Variants in MDN1 observed in about 807,000 individuals in gnomAD.
MDN1 encodes midasin AAA ATPase 1.
In MDN1, 266 loss-of-function variants were observed where a neutral mutation model predicts 669.2. The ratio of observed to expected loss-of-function variants is 0.40; its 90% confidence interval spans 0.36 to 0.44. The LOEUF is 0.44. Among genes scored for constraint, MDN1 ranks in the 20% least tolerant of loss-of-function variants. The probability of loss-of-function intolerance (pLI) is 1.00; values close to 1 mark genes in which losing one functional copy is unlikely to be tolerated. For missense variants in MDN1, 5,940 were observed against 6,754.0 expected, an observed-to-expected ratio of 0.88 and a Z score of 4.22; for synonymous variants, 2,385 against 2,457.1, an observed-to-expected ratio of 0.97 and a Z score of 0.87.
chr6:89,781,332 C>G, intron 10 of MDN1, 67 bp downstream of exon 10: 1 of 1,513,928 alleles, frequency 6.6e-7, no homozygotes, highest in Non-Finnish European at 9.1e-7. Flanking sequence ...GCCTGGGTAA[C>G]AGAGCAGGAA....
intron 13 of MDN1, among the ~76,000 whole-genome samples, chr6:89,773,970 G>GAAAA (rs1302813116): frequency 1.0e-5 from 1 of 96,818 alleles, no homozygotes; most frequent in African/African-American, 3.9e-5. Context: ...GTCTTAAAAA[G>GAAAA]AAAAAAAAAA....
chr6:89,647,528 A>G (rs1209931759), intron 99 of MDN1, among the ~76,000 whole-genome samples: 2 of 152,216 alleles, frequency 1.3e-5, no homozygotes, highest in African/African-American at 4.8e-5. Context: ...TAGAAAACCA[A>G]TGATGCAAAG....
intron 33 of MDN1, 126 bp downstream of exon 33, chr6:89,738,200 C>T (rs1816098611): frequency 4.6e-6 from 5 of 1,076,650 alleles, no homozygotes; most frequent in Non-Finnish European, 6.5e-6. Context: ...GTTTCATTTA[C>T]CTATCTCCTT....
chr6:89,711,901 A>G (rs1813956237), intron 49 of MDN1, 135 bp downstream of exon 49: 1 of 769,564 alleles, frequency 1.3e-6, no homozygotes, highest in East Asian at 2.5e-5. Context: ...ATGCTAGACC[A>G]CAAATTTCTT....
At chr6:89,727,457 T>C (rs1815311705) in intron 37 of MDN1, among the ~76,000 whole-genome samples, 1 of 152,198 alleles carries the variant, frequency 6.6e-6, no homozygotes, top group African/African-American at 2.4e-5. Context: ...TAGGTCATTT[T>C]GTATGTCTTT....
At chr6:89,799,977 T>C (rs1767524843) in intron 2 of MDN1, among the ~76,000 whole-genome samples, 1 of 151,882 alleles carries the variant, frequency 6.6e-6, no homozygotes, top group Non-Finnish European at 1.5e-5. Flanking sequence ...GGGGCACTGG[T>C]TGGTTGCCAG....
intron 15 of MDN1, among the ~76,000 whole-genome samples, chr6:89,769,068 A>G (rs965255087): frequency 6.6e-6 from 1 of 152,114 alleles, no homozygotes; most frequent in South Asian, 2.1e-4. Context: ...AAAAAAAAAA[A>G]GATCCGAATT....
chr6:89,789,270 A>G (rs190830087), intron 7 of MDN1, among the ~76,000 whole-genome samples: 2 of 152,352 alleles, frequency 1.3e-5, no homozygotes, highest in East Asian at 3.9e-4. Context: ...TTTCTTACAC[A>G]CAGAAGTGGT....
At position 89,763,816 on chromosome 6, in the gene MDN1, C is replaced by T. The variant is rs981968380; in HGVS notation, c.2145-1286G>A. Among the ~76,000 whole-genome samples, 3 of 152,060 alleles carry T rather than the reference C, an allele frequency of 2.0e-5. No individual in the cohort carries two copies. In the South Asian group the frequency reaches 6.2e-4, roughly 32 times the overall value. On this transcript the variant is annotated intron_variant, in intron 15 of 101. Transcript: ENST00000369393. ...TACTGAGCATCTGAATCTGAGAGTC[C>T]AGTTCCAAAGAAAAAAAGTTGAAGA...
At chr6:89,656,610 CT>C (rs35227833) in intron 91 of MDN1, 89 bp downstream of exon 91, 173,656 of 724,332 alleles carry the variant, frequency 0.24, 1,260 homozygotes, top group East Asian at 0.28. Flanking sequence ...AGGAGTATAG[CT>C]TTTTTTTTTT....
intron 93 of MDN1, 123 bp downstream of exon 93, chr6:89,654,041 A>G (rs963858349): frequency 8.9e-7 from 1 of 1,124,010 alleles, no homozygotes; most frequent in Non-Finnish European, 1.2e-6. Context: ...ATTATAGGCA[A>G]TTCATTCATC....
chr6:89,771,227 T>A (rs914667108), intron 15 of MDN1, among the ~76,000 whole-genome samples: 5 of 152,160 alleles, frequency 3.3e-5, no homozygotes, highest in African/African-American at 1.2e-4. Flanking sequence ...ATACTAAAAA[T>A]CATACCCATG....
At chr6:89,776,953 C>T (rs1190046319) in intron 11 of MDN1, among the ~76,000 whole-genome samples, 1 of 152,164 alleles carries the variant, frequency 6.6e-6, no homozygotes, top group Non-Finnish European at 1.5e-5. Flanking sequence ...AAACACCCCA[C>T]TTTGCAAATC....
chr6:89,663,092 A>C, intron 85 of MDN1, 125 bp from the exon 86 acceptor site: 1 of 1,025,858 alleles, frequency 9.7e-7, no homozygotes. Context: ...TTTTCTACAG[A>C]ACACACCCTA....
At chr6:89,789,631 T>C in intron 7 of MDN1, 149 bp downstream of exon 7, 1 of 859,034 alleles carries the variant, frequency 1.2e-6, no homozygotes, top group Non-Finnish European at 1.7e-6. Context: ...GCAAATCAGA[T>C]CAGGTAAGTA....
Position 89,778,991 on chromosome 6 carries a change from A to T in MDN1, c.1725+1221T>A, listed in dbSNP as rs1014528447. On this transcript the variant is annotated intron_variant, in intron 11 of 101. Coordinates refer to ENST00000369393, the MANE Select transcript of MDN1 (RefSeq NM_014611.3). ...CTAAAATAAGCCAAAGAAAAAAAAA[A>T]TTTTACAGGTGTAGAATCTGCATAT... 3.3e-4 allele frequency among the ~76,000 whole-genome samples: 50 copies of T among 150,804 alleles called. 1 individual carries two copies. Among genetic ancestry groups the T allele is most frequent in the South Asian group, 2.1e-3 (10 of 4,772 alleles).
At chr6:89,791,168 A>G (rs1819250985) in intron 5 of MDN1, among the ~76,000 whole-genome samples, 1 of 152,182 alleles carries the variant, frequency 6.6e-6, no homozygotes, top group Non-Finnish European at 1.5e-5. Flanking sequence ...AAATCTTCCA[A>G]AGTTTAAGTA....
At chr6:89,723,175 G>GC in intron 39 of MDN1, 32 bp from the exon 40 acceptor site, 1 of 1,599,630 alleles carries the variant, frequency 6.3e-7, no homozygotes, top group Non-Finnish European at 8.6e-7. Flanking sequence ...TGGGAAACAT[G>GC]CCCTGCTTAC....
At chr6:89,769,912 AAT>A (rs1274832952) in intron 15 of MDN1, among the ~76,000 whole-genome samples, 3 of 152,164 alleles carry the variant, frequency 2.0e-5, no homozygotes, top group African/African-American at 7.2e-5. Flanking sequence ...AATGGTATGA[AAT>A]TACTAAAGAC....
Sources: allele counts gnomAD v4.1 joint callset (sites outside exome capture counted in the v4.1 genomes callset), GRCh38; gene constraint gnomAD v4.1.1; transcripts MANE v1.5; gene names NCBI Gene and HGNC (gene_info 2026-07-23, HGNC 2026-07-21).